Variants in CNGB1 observed in about 807,000 individuals in gnomAD.
CNGB1 encodes the protein cyclic nucleotide-gated channel beta-1.
Under a neutral mutation model 151.7 loss-of-function variants are expected in CNGB1, and 126 were observed. The observed-to-expected ratio is 0.83, with a 90% CI of 0.72 to 0.96. The LOEUF (loss-of-function observed/expected upper bound fraction) is 0.96, where lower values mean the gene tolerates loss of function less well. Among genes scored for constraint, CNGB1 ranks in the 40% least tolerant of loss-of-function variants. The probability of loss-of-function intolerance (pLI) is 0.00; values close to 1 mark genes in which losing one functional copy is unlikely to be tolerated. For synonymous variants in CNGB1, 623 were observed against 635.1 expected, an observed-to-expected ratio of 0.98 and a Z score of 0.29; for missense variants, 1,698 against 1,627.0, an observed-to-expected ratio of 1.04 and a Z score of -0.75.
At chr16:57,909,312 G>A (rs1960643136) in intron 25 of CNGB1, among the ~76,000 whole-genome samples, 1 of 152,140 alleles carries the variant, frequency 6.6e-6, no homozygotes, top group African/African-American at 2.4e-5. Context: ...GCATATATAT[G>A]GGAACTCTCT....
intron 23 of CNGB1, among the ~76,000 whole-genome samples, chr16:57,913,918 A>G (rs1185753063): frequency 5.3e-5 from 8 of 152,258 alleles, no homozygotes; most frequent in African/African-American, 1.9e-4. Flanking sequence ...TGAGAGAGTC[A>G]GCATTCCAAC....
Position 57,901,587 on chromosome 16 carries a change from G to T in CNGB1, c.2833C>A (p.Arg945=), listed in dbSNP as rs777743815. ...TTCACGTCGATGGCGAGGTCCAGCCGCATCTTGTCTGGAAGCTGCACCATC... is the reference window on the plus strand; with the variant it reads ...TTCACGTCGATGGCGAGGTCCAGCCTCATCTTGTCTGGAAGCTGCACCATC... ...ELMVQLPDKM[R]LDLAIDVNYN... is the part of the protein sequence containing the mutation. Residue 945 remains arginine, a synonymous_variant, in exon 28 of 33, where the codon CGG becomes AGG. Transcript: ENST00000251102. 5 of 1,614,098 alleles carry T rather than the reference G, an allele frequency of 3.1e-6. No individual in the cohort carries two copies. Among genetic ancestry groups the T allele is most frequent in the African/African-American group, 1.3e-5 (1 of 75,026 alleles).
At position 57,923,390 on chromosome 16, in the gene CNGB1, C is replaced by G. The variant is rs1220580024; in HGVS notation, c.1536-10G>C. 1 of 1,610,222 alleles carries G rather than the reference C, an allele frequency of 6.2e-7. No individual in the cohort carries two copies. Among genetic ancestry groups the G allele is most frequent in the South Asian group, 1.1e-5 (1 of 90,968 alleles). On this transcript the variant is annotated splice_polypyrimidine_tract_variant and intron_variant, in intron 17 of 32. Coordinates refer to ENST00000251102, the MANE Select transcript of CNGB1 (RefSeq NM_001297.5). ...AGAGGGCAGCTTCTTCCTGCAAAGA[C>G]ACAGATGTGGAAGGGGCCTTCAGCA...
chr16:57,947,660 G>T (rs1961842858), intron 14 of CNGB1, among the ~76,000 whole-genome samples: 1 of 152,240 alleles, frequency 6.6e-6, no homozygotes, highest in Non-Finnish European at 1.5e-5. Flanking sequence ...AGGATGGAAA[G>T]AGTCTATGTG....
At chr16:57,916,210 G>T in intron 21 of CNGB1, 31 bp from the exon 22 acceptor site, 3 of 1,601,470 alleles carry the variant, frequency 1.9e-6, no homozygotes, top group South Asian at 1.1e-5. Context: ...ATGGTGAAAT[G>T]ACCTTACAGC....
chr16:57,897,524 C>T lies in CNGB1; in HGVS notation c.3115G>A (p.Gly1039Arg), dbSNP rs148999583. 5.8e-3 allele frequency: 9,309 copies of T among 1,614,098 alleles called. 38 individuals are homozygous for T. Among genetic ancestry groups the T allele is most frequent in the Non-Finnish European group, 7.0e-3 (8,306 of 1,180,032 alleles). ...ACCACGTTGGCCGTGCGCCGGTTCC[C>T]GCCCCCAACAGCCAGCAAGCTGGGG... ...GEISLLAVGG[G>R]NRRTANVVAH... Residue 1039 changes from glycine (G) to arginine (R), a missense_variant, in exon 31 of 33, where the codon GGG becomes AGG. Physicochemically the swap from Gly to Arg is moderately radical, Grantham distance 125. Transcript: ENST00000251102.
At chr16:57,944,565 T>C (rs1472535220) in intron 14 of CNGB1, among the ~76,000 whole-genome samples, 1 of 152,172 alleles carries the variant, frequency 6.6e-6, no homozygotes, top group Non-Finnish European at 1.5e-5. Context: ...TATGAGGAAA[T>C]GTGTATGTTA....
intron 1 of CNGB1, among the ~76,000 whole-genome samples, chr16:57,968,644 A>G (rs1017744092): frequency 3.9e-5 from 6 of 152,258 alleles, no homozygotes; most frequent in African/African-American, 1.4e-4. Flanking sequence ...TAATCTCATT[A>G]TAAGTAAAAA....
intron 17 of CNGB1, among the ~76,000 whole-genome samples, chr16:57,927,669 A>G (rs1233065443): frequency 6.6e-6 from 1 of 152,208 alleles, no homozygotes; most frequent in African/African-American, 2.4e-5. Flanking sequence ...TCACAGGCCC[A>G]GCTCACAAGC....
intron 17 of CNGB1, among the ~76,000 whole-genome samples, chr16:57,925,295 G>T (rs181768585): frequency 6.6e-6 from 1 of 151,748 alleles, no homozygotes; most frequent in African/African-American, 2.4e-5. Context: ...GAGCCACCAC[G>T]CCCGGCCTCT....
chr16:57,958,709 C>A, intron 10 of CNGB1, among the ~76,000 whole-genome samples: 1 of 143,064 alleles, frequency 7.0e-6, no homozygotes, highest in Non-Finnish European at 1.5e-5. Flanking sequence ...CGGCCTCCCC[C>A]CACCCTCCCA....
Position 57,934,232 on chromosome 16 carries a change from A to T in CNGB1, c.1373-2354T>A, listed in dbSNP as rs369948044. 4.6e-5 allele frequency among the ~76,000 whole-genome samples: 7 copies of T among 152,120 alleles called. No homozygotes were observed. The East Asian group carries it at 7.8e-4, about 17-fold the overall frequency. On this transcript the variant is annotated intron_variant, in intron 16 of 32. Transcript: ENST00000251102. The stretch of plus-strand genomic sequence containing the variant: ...CACTTTGGAAGGCTGAGGTGGAAGG[A>T]TCCCTTAAGTTCAAGAGCAGCCTGA...
At chr16:57,944,522 C>G (rs528857328) in intron 14 of CNGB1, among the ~76,000 whole-genome samples, 7 of 152,168 alleles carry the variant, frequency 4.6e-5, no homozygotes, top group Admixed American at 4.6e-4. Context: ...AAGAGTAGAT[C>G]TAAACTGTTC....
At position 57,884,362 on chromosome 16, in the gene CNGB1, G is replaced by T; in HGVS notation, c.3558C>A (p.Pro1186=). The T allele has an allele frequency of 6.2e-7, 1 of 1,611,190 alleles. No homozygotes were observed. The highest frequency in any genetic ancestry group is 8.5e-7 in the Non-Finnish European group (1 of 1,179,080). The part of the protein sequence containing the change: ...PKEAATDPPA[P]RTPPEPPGSP... ...ACCCCGGGGGCTCGGGGGGCGTCCG[G>T]GGCGCGGGTGGGTCGGTGGCGGCCT... Residue 1186 remains proline (P), a synonymous_variant, in exon 33 of 33, where the codon CCC becomes CCA. Coordinates refer to ENST00000251102, the MANE Select transcript of CNGB1 (RefSeq NM_001297.5).
intron 18 of CNGB1, among the ~76,000 whole-genome samples, chr16:57,921,105 G>A (rs913702318): frequency 1.3e-5 from 2 of 150,848 alleles, no homozygotes; most frequent in African/African-American, 4.9e-5. Context: ...TCATCTTGCT[G>A]AGCTGAATAT....
At chr16:57,935,646 C>A (rs1227754992) in intron 16 of CNGB1, among the ~76,000 whole-genome samples, 1 of 151,636 alleles carries the variant, frequency 6.6e-6, no homozygotes, top group Admixed American at 6.6e-5. Flanking sequence ...AGACTCCGTC[C>A]CCCCCCAAAA....
intron 14 of CNGB1, among the ~76,000 whole-genome samples, chr16:57,943,259 A>G (rs940895141): frequency 6.6e-6 from 1 of 152,256 alleles, no homozygotes; most frequent in Non-Finnish European, 1.5e-5. Flanking sequence ...TCAAAAGATG[A>G]CATACAAATG....
intron 2 of CNGB1, among the ~76,000 whole-genome samples, chr16:57,966,387 C>T (rs192339387): frequency 6.6e-6 from 1 of 152,282 alleles, no homozygotes; most frequent in East Asian, 1.9e-4. Flanking sequence ...TCAAATGTGT[C>T]GAATTGAGCT....
Position 57,917,298 on chromosome 16 carries a change from G to T in CNGB1, c.2136C>A (p.Arg712=), listed in dbSNP as rs1357921223. 6.2e-7 allele frequency: 1 copy of T among 1,613,926 alleles called. No individual in the cohort carries two copies. The highest frequency in any genetic ancestry group is 1.3e-5 in the African/African-American group (1 of 74,864). ...TGTCCCCGCCTCTGACAAACTGCAG[G>T]CGTGTCTGGAACACGGTGATGTCCA... ...YFLDITVFQT[R]LQFVRGGDII... Residue 712 remains arginine, a synonymous_variant, in exon 21 of 33, where the codon CGC becomes CGA. Transcript: ENST00000251102.
Sources: allele counts gnomAD v4.1 joint callset (sites outside exome capture counted in the v4.1 genomes callset), GRCh38; gene constraint gnomAD v4.1.1; transcripts MANE v1.5; gene names NCBI Gene and HGNC (gene_info 2026-07-23, HGNC 2026-07-21).